Variants in MACROD2 observed in about 807,000 individuals in gnomAD.
MACROD2 encodes ADP-ribose glycohydrolase MACROD2.
MACROD2 carries 36 observed loss-of-function variants against 70.4 expected under a neutral mutation model. The observed-to-expected ratio is 0.51, with a 90% CI of 0.39 to 0.68. The LOEUF is 0.68. Among genes scored for constraint, MACROD2 ranks in the 30% least tolerant of loss-of-function variants. The probability of loss-of-function intolerance (pLI) is 0.00; values close to 1 mark genes in which losing one functional copy is unlikely to be tolerated. For synonymous variants in MACROD2, 172 were observed against 178.8 expected (o/e 0.96, Z 0.30); for missense variants, 496 against 538.4 (o/e 0.92, Z 0.78).
At chr20:15,505,679 G>A (rs913530044) in intron 8 of MACROD2, among the ~76,000 whole-genome samples, 1 of 152,124 alleles carries the variant, frequency 6.6e-6, no homozygotes, top group Non-Finnish European at 1.5e-5. Context: ...CTGGGCTGGG[G>A]ACAATTCAAT....
At chr20:15,326,186 A>G (rs2077926734) in intron 6 of MACROD2, among the ~76,000 whole-genome samples, 1 of 152,120 alleles carries the variant, frequency 6.6e-6, no homozygotes, top group Non-Finnish European at 1.5e-5. Context: ...AAGTTTGGTT[A>G]CTTTGGAAAT....
intron 8 of MACROD2, among the ~76,000 whole-genome samples, chr20:15,715,980 C>A (rs2050702389): frequency 6.6e-6 from 1 of 152,122 alleles, no homozygotes; most frequent in Non-Finnish European, 1.5e-5. Flanking sequence ...ACTACCCCTT[C>A]ACAGTAGGTT....
At chr20:14,910,396 A>G (rs1347583019) in intron 5 of MACROD2, among the ~76,000 whole-genome samples, 1 of 152,174 alleles carries the variant, frequency 6.6e-6, no homozygotes, top group Non-Finnish European at 1.5e-5. Context: ...GTGCAAGGAA[A>G]ACACTGCAAG....
intron 2 of MACROD2, among the ~76,000 whole-genome samples, chr20:14,025,024 A>G (rs1026751971): frequency 1.3e-5 from 2 of 152,164 alleles, no homozygotes; most frequent in Non-Finnish European, 2.9e-5. Flanking sequence ...TTAGTAGGCT[A>G]TTAATTACTG....
chr20:15,511,272 A>T (rs527381645), intron 8 of MACROD2, among the ~76,000 whole-genome samples: 72 of 152,356 alleles, frequency 4.7e-4, no homozygotes, highest in African/African-American at 1.7e-3. Flanking sequence ...ACAATAAACC[A>T]TTGACTGAAA....
chr20:14,006,618 A>G (rs2052826163), intron 2 of MACROD2, among the ~76,000 whole-genome samples: 1 of 152,182 alleles, frequency 6.6e-6, no homozygotes, highest in South Asian at 2.1e-4. Context: ...TTTCTTTTAC[A>G]ATTGATTTGC....
chr20:15,433,524 T>A (rs1193158781), intron 7 of MACROD2, among the ~76,000 whole-genome samples: 1 of 145,720 alleles, frequency 6.9e-6, no homozygotes, highest in East Asian at 2.0e-4. Context: ...GTGAAACATC[T>A]CTACAAGACA....
At chr20:15,080,459 C>T (rs2075694930) in intron 5 of MACROD2, among the ~76,000 whole-genome samples, 1 of 152,130 alleles carries the variant, frequency 6.6e-6, no homozygotes, top group South Asian at 2.1e-4. Flanking sequence ...TGCCCTTGGA[C>T]ATCCTTCACT....
At chr20:14,460,453 G>C (rs530315892) in intron 3 of MACROD2, among the ~76,000 whole-genome samples, 22 of 152,198 alleles carry the variant, frequency 1.4e-4, no homozygotes, top group Admixed American at 7.2e-4. Context: ...CTGTGATTTT[G>C]ATTTGCATTT....
At chr20:15,623,319 G>C (rs879748258) in intron 8 of MACROD2, among the ~76,000 whole-genome samples, 2 of 152,224 alleles carry the variant, frequency 1.3e-5, no homozygotes, top group Non-Finnish European at 2.9e-5. Flanking sequence ...TATCCACCAA[G>C]TATGTCCAAT....
chr20:15,707,775 ACT>A (rs1413567901), intron 8 of MACROD2, among the ~76,000 whole-genome samples: 2 of 151,896 alleles, frequency 1.3e-5, no homozygotes, highest in African/African-American at 4.8e-5. Context: ...ACAGAGTGAG[ACT>A]CTGTCTCAAC....
chr20:15,880,385 G>C (rs2079901332), intron 9 of MACROD2, among the ~76,000 whole-genome samples: 1 of 151,816 alleles, frequency 6.6e-6, no homozygotes, highest in African/African-American at 2.4e-5. Context: ...CCTTGTCTTT[G>C]TTTGAGTTCC....
intron 3 of MACROD2, among the ~76,000 whole-genome samples, chr20:14,386,251 G>A (rs972616685): frequency 6.6e-6 from 1 of 152,188 alleles, no homozygotes; most frequent in African/African-American, 2.4e-5. Flanking sequence ...CAGCTATGGT[G>A]CACAGTAGCA....
intron 8 of MACROD2, among the ~76,000 whole-genome samples, chr20:15,639,950 A>G (rs1407619876): frequency 6.6e-6 from 1 of 150,624 alleles, no homozygotes; most frequent in Non-Finnish European, 1.5e-5. Context: ...AAGGAGAGAG[A>G]GGGGATGAGA....
chr20:15,639,751 G>T (rs922260650), intron 8 of MACROD2, among the ~76,000 whole-genome samples: 2 of 152,144 alleles, frequency 1.3e-5, no homozygotes, highest in Non-Finnish European at 2.9e-5. Context: ...GGGACCTCAA[G>T]CCTCTTTCCT....
chr20:15,635,940 T>C (rs560472127), intron 8 of MACROD2, among the ~76,000 whole-genome samples: 1 of 151,666 alleles, frequency 6.6e-6, no homozygotes, highest in Non-Finnish European at 1.5e-5. Context: ...TGGTGGTGCA[T>C]GCTTGTAATC....
Position 14,357,378 on chromosome 20 carries a change from G to A in MACROD2, c.272-136101G>A, listed in dbSNP as rs141630179. 1.2e-3 allele frequency among the ~76,000 whole-genome samples: 188 copies of A among 152,182 alleles called. 1 individual carries two copies. Among genetic ancestry groups the A allele is most frequent in the Admixed American group, 2.9e-3 (45 of 15,278 alleles). ...AATATTTTCTGTATTTTTCAATGTT[G>A]AAAACTTATTACTATAATGAAAAGT... is the stretch of plus-strand genomic sequence containing the variant. On this transcript the variant is annotated intron_variant, in intron 3 of 17. Coordinates refer to ENST00000684519, the MANE Select transcript of MACROD2 (RefSeq NM_001351661.2).
intron 5 of MACROD2, among the ~76,000 whole-genome samples, chr20:15,203,907 T>C (rs2076678808): frequency 6.6e-6 from 1 of 152,074 alleles, no homozygotes; most frequent in Non-Finnish European, 1.5e-5. Flanking sequence ...TGAATAGATA[T>C]TCATTGATTC....
Position 14,326,236 on chromosome 20 carries a change from T to C in MACROD2, c.272-167243T>C, listed in dbSNP as rs770275841. The C allele has an allele frequency of 6.2e-7, 1 of 1,613,874 alleles. No homozygotes were observed. Among genetic ancestry groups the C allele is most frequent in the Non-Finnish European group, 8.5e-7 (1 of 1,179,834 alleles). On this transcript the variant is annotated intron_variant, in intron 3 of 17. Coordinates refer to ENST00000684519, the MANE Select transcript of MACROD2 (RefSeq NM_001351661.2). This position sits in a 1 kb window ranked among gnomAD's most constrained non-coding sequence, Gnocchi z 5.5. ...AGGTAGAGCAAGTTTCCAAGAGATATGAATGGTATCAGAGGTGACAGACTT... is the reference window on the plus strand; with the variant it reads ...AGGTAGAGCAAGTTTCCAAGAGATACGAATGGTATCAGAGGTGACAGACTT...
Sources: allele counts gnomAD v4.1 joint callset (sites outside exome capture counted in the v4.1 genomes callset), GRCh38; gene constraint gnomAD v4.1.1; non-coding constraint Gnocchi (gnomAD v3.1); transcripts MANE v1.5; gene names NCBI Gene and HGNC (gene_info 2026-07-23, HGNC 2026-07-21).